CPNE9: variants seen among roughly 807,000 people sequenced by gnomAD.
The protein encoded by CPNE9 is copine family member 9, also known as copine-9.
CPNE9 carries 59 observed loss-of-function variants against 83.0 expected under a neutral mutation model. The ratio of observed to expected loss-of-function variants is 0.71; its 90% CI spans 0.58 to 0.88. The LOEUF is 0.88. Among genes scored for constraint, CPNE9 ranks in the 40% least tolerant of loss-of-function variants. The pLI is 0.00. For synonymous variants in CPNE9, 256 were observed against 273.4 expected (o/e 0.94, Z 0.63); for missense variants, 619 against 720.8 (o/e 0.86, Z 1.62).
intron 20 of CPNE9, among the ~76,000 whole-genome samples, chr3:9,728,055 G>A (rs3908127): frequency 0.061 from 9,270 of 152,312 alleles, 405 homozygotes; most frequent in Admixed American, 0.14. Context: ...CATTTGCTGG[G>A]AAGGGGAAAG....
At chr3:9,727,016 A>C in intron 19 of CPNE9, 97 bp from the exon 20 acceptor site, 1 of 1,232,772 alleles carries the variant, frequency 8.1e-7, no homozygotes, top group Non-Finnish European at 1.2e-6. Context: ...AGCATTAGGC[A>C]TTCTCCTGAT....
chr3:9,707,622 GA>G (rs533167775), intron 7 of CPNE9, among the ~76,000 whole-genome samples: 2 of 149,378 alleles, frequency 1.3e-5, no homozygotes, highest in Admixed American at 1.3e-4. Context: ...AGATAGTAGG[GA>G]AAAAAACAAA....
chr3:9,724,235 A>T (rs1458092671), intron 17 of CPNE9, among the ~76,000 whole-genome samples: 1 of 150,876 alleles, frequency 6.6e-6, no homozygotes, highest in African/African-American at 2.4e-5. Flanking sequence ...ACTGGACTCA[A>T]TGACTTCTGA....
intron 4 of CPNE9, 45 bp from the exon 5 acceptor site, chr3:9,705,419 T>TCCCC: frequency 7.5e-6 from 5 of 662,630 alleles, no homozygotes; most frequent in African/African-American, 2.0e-5. Flanking sequence ...TTCCACCCTC[T>TCCCC]CCCCCACCCA....
In CPNE9 at chr3:9,704,435, G is replaced by T; in HGVS notation, c.69-152G>T. ...ACAGCGATTTCCGGTGCTGTCCAGA[G>T]TGCTGACAGAGCGGACCCCGGCTGG... On this transcript the variant is annotated intron_variant, in intron 1 of 20. Coordinates refer to ENST00000383832, the MANE Select transcript of CPNE9 (RefSeq NM_153635.3). This position sits in a 1 kb window ranked among gnomAD's most constrained non-coding sequence, Gnocchi z 7.1. 1.3e-6 allele frequency: 1 copy of T among 754,560 alleles called. No individual in the cohort carries two copies. Among genetic ancestry groups the T allele is most frequent in the Non-Finnish European group, 2.4e-6 (1 of 416,804 alleles). The allele number at this position is 754,560 out of a possible 1,614,324, so 46.7% of individuals were successfully genotyped here. A position where few individuals can be genotyped will look rare whatever the true frequency, so the allele number is the denominator to read the frequency against.
chr3:9,725,438 G>T (rs1007857478), intron 17 of CPNE9, among the ~76,000 whole-genome samples: 1 of 151,982 alleles, frequency 6.6e-6, no homozygotes, highest in Non-Finnish European at 1.5e-5. Flanking sequence ...AGGAGGCTGA[G>T]GCAGGAGGAT....
At chr3:9,714,870 A>G (rs765600849) in intron 10 of CPNE9, 44 bp from the exon 11 acceptor site, 1 of 1,550,482 alleles carries the variant, frequency 6.4e-7, no homozygotes, top group East Asian at 2.3e-5. Flanking sequence ...TGTCTCTGGG[A>G]TTTATCATAC....
Position 9,703,988 on chromosome 3 carries a change from C to T in CPNE9, c.-9C>T. On this transcript the variant is annotated 5_prime_UTR_variant, in exon 1 of 21. Transcript: ENST00000383832. ...GCAGCCTCCTGCGGCTCTGGTCGCC[C>T]GACCAGCCATGTCTCTCGGCGGAGC... is the stretch of plus-strand genomic sequence containing the variant. The T allele has an allele frequency of 1.2e-6, 2 of 1,600,386 alleles. No homozygotes were observed. The highest frequency in any genetic ancestry group is 4.5e-5 in the East Asian group (2 of 44,380).
At chr3:9,719,695 T>A (rs1259381849) in intron 17 of CPNE9, among the ~76,000 whole-genome samples, 1 of 152,024 alleles carries the variant, frequency 6.6e-6, no homozygotes, top group South Asian at 2.1e-4. Flanking sequence ...ATTTTCAGAA[T>A]AAAACTATAC....
intron 7 of CPNE9, among the ~76,000 whole-genome samples, chr3:9,709,664 A>T (rs1395442044): frequency 6.6e-6 from 1 of 151,944 alleles, no homozygotes; most frequent in Non-Finnish European, 1.5e-5. Context: ...TGCCACGCCT[A>T]GCCAAGTTTA....
chr3:9,705,930 A>AGGCTGGGACTC, intron 6 of CPNE9, 57 bp from the exon 7 acceptor site: 2 of 1,569,280 alleles, frequency 1.3e-6, no homozygotes, highest in Non-Finnish European at 8.7e-7. Flanking sequence ...CACTGGGGCT[A>AGGCTGGGACTC]GGCTGGGACT....
intron 14 of CPNE9, 106 bp from the exon 15 acceptor site, chr3:9,716,952 A>AT (rs2076688921): frequency 7.4e-6 from 9 of 1,213,658 alleles, no homozygotes; most frequent in Admixed American, 5.6e-5. Context: ...CAGAATCTGC[A>AT]TTTTAACATG....
intron 10 of CPNE9, 91 bp from the exon 11 acceptor site, chr3:9,714,823 T>C (rs372301327): frequency 4.4e-5 from 46 of 1,053,044 alleles, no homozygotes; most frequent in East Asian, 2.2e-4. Flanking sequence ...GATGGGTGGA[T>C]GGGGAGATGA....
intron 4 of CPNE9, 25 bp from the exon 5 acceptor site, chr3:9,705,439 C>CCCCCCCCCCGTG: frequency 6.7e-7 from 1 of 1,500,080 alleles, no homozygotes; most frequent in Non-Finnish European, 9.1e-7. Context: ...AGCCCCACCC[C>CCCCCCCCCCGTG]ACACCGGTTC....
At position 9,715,255 on chromosome 3, in the gene CPNE9, C is replaced by T. The variant is rs375348468; in HGVS notation, c.693-34C>T. On this transcript the variant is annotated intron_variant, in intron 11 of 20. Transcript: ENST00000383832. ...TTCAGCTCTGGTTCCAAACCAGCAG[C>T]ACCTGCTGCTTAGCCACGCCCACCT... is the stretch of plus-strand genomic sequence containing the variant. 9.3e-6 allele frequency: 15 copies of T among 1,606,906 alleles called. No homozygotes were observed. The African/African-American group carries it at 2.0e-4, about 21-fold the overall frequency.
intron 11 of CPNE9, 83 bp downstream of exon 11, chr3:9,715,038 C>T: frequency 1.5e-6 from 2 of 1,324,324 alleles, no homozygotes; most frequent in Non-Finnish European, 2.1e-6. Flanking sequence ...CTGAGAACCC[C>T]AAAGTAGCTT....
At chr3:9,706,194 C>G (rs1202340197) in intron 7 of CPNE9, 131 bp downstream of exon 7, 3 of 755,312 alleles carry the variant, frequency 4.0e-6, no homozygotes, top group Non-Finnish European at 6.4e-6. Flanking sequence ...GCTCCCATCA[C>G]CCTCGTAGAA....
intron 18 of CPNE9, among the ~76,000 whole-genome samples, chr3:9,726,374 C>G (rs534191019): frequency 6.6e-6 from 1 of 152,234 alleles, no homozygotes; most frequent in East Asian, 1.9e-4. Flanking sequence ...TTATAATGGA[C>G]AGTAAGCATG....
chr3:9,726,704 G>A lies in CPNE9; in HGVS notation c.1384G>A (p.Gly462Arg). ...LPMSIIIVGV[G>R]PAMFEAMEEL... ...CATGTCTATCATTATCGTCGGTGTA[G>A]GACCAGCCATGTTTGAGGGTGAGTA... The change falls in exon 19 of 21, where the codon GGA becomes AGA. Residue 462 changes from glycine to arginine, a missense_variant. By Grantham distance (125) the Gly-to-Arg change is moderately radical (BLOSUM62 -2). Around this residue, in one of 3 missense-constraint regions of CPNE9, gnomAD observed 438 missense variants for 562.9 expected, o/e 0.78. Coordinates refer to ENST00000383832, the MANE Select transcript of CPNE9 (RefSeq NM_153635.3). 2.5e-6 allele frequency: 4 copies of A among 1,614,012 alleles called. No individual in the cohort carries two copies. Among genetic ancestry groups the A allele is most frequent in the Non-Finnish European group, 3.4e-6 (4 of 1,179,922 alleles).
Sources: allele counts gnomAD v4.1 joint callset (sites outside exome capture counted in the v4.1 genomes callset), GRCh38; gene constraint gnomAD v4.1.1; regional missense constraint gnomAD v4.1.1; non-coding constraint Gnocchi (gnomAD v3.1); transcripts MANE v1.5; gene names NCBI Gene and HGNC (gene_info 2026-07-23, HGNC 2026-07-21).